Variants in COX10 observed in about 807,000 individuals in gnomAD.
The protein encoded by COX10 is cytochrome c oxidase assembly factor heme A:farnesyltransferase COX10, also known as protoheme IX farnesyltransferase, mitochondrial.
A neutral mutation model predicts 37.3 loss-of-function variants in COX10; 27 were observed. The observed-to-expected ratio is 0.72, with a 90% CI of 0.53 to 1.00. The LOEUF is 1.00. Ranked by LOEUF, COX10 falls within the 50% of genes least tolerant of loss-of-function variation. The pLI is 0.00. For missense variants in COX10, 475 were observed against 563.2 expected (o/e 0.84, Z 1.59); for synonymous variants, 222 against 229.1 (o/e 0.97, Z 0.28).
chr17:14,117,663 C>T (rs1916143628), intron 4 of COX10, among the ~76,000 whole-genome samples: 3 of 151,888 alleles, frequency 2.0e-5, no homozygotes, highest in Non-Finnish European at 1.5e-5. Context: ...TTTTTGGGCT[C>T]TGACCCAAAA....
chr17:14,203,477 C>A (rs1303098124), intron 6 of COX10, among the ~76,000 whole-genome samples: 3 of 152,194 alleles, frequency 2.0e-5, no homozygotes, highest in Non-Finnish European at 4.4e-5. Context: ...TAAGCTACAA[C>A]TGCCCCGTCT....
intron 4 of COX10, among the ~76,000 whole-genome samples, chr17:14,117,823 CCACGTTCTT>C (rs1489517018): frequency 6.6e-6 from 1 of 152,122 alleles, no homozygotes; most frequent in Non-Finnish European, 1.5e-5. Flanking sequence ...TTTCTGTATC[CCACGTTCTT>C]GCCCTAGTAT....
In COX10 at chr17:14,207,305, T is replaced by A. The variant is rs1270998460; in HGVS notation, c.*92T>A. On this transcript the variant is annotated 3_prime_UTR_variant, in exon 7 of 7. Coordinates refer to ENST00000261643, the MANE Select transcript of COX10 (RefSeq NM_001303.4). ...ACACAAGAAGAGAAATTGCTGGGTT[T>A]AGAACAAGATTATAAACGAATTCGG... is the stretch of plus-strand genomic sequence containing the variant. 1 of 1,422,970 alleles carries A rather than the reference T, an allele frequency of 7.0e-7. No individual in the cohort carries two copies. Among genetic ancestry groups the A allele is most frequent in the Non-Finnish European group, 9.2e-7 (1 of 1,088,736 alleles). The allele number at this position is 1,422,970 out of a possible 1,614,324, so 88.1% of individuals were successfully genotyped here.
At chr17:14,156,476 C>T (rs556767594) in intron 4 of COX10, among the ~76,000 whole-genome samples, 1 of 152,200 alleles carries the variant, frequency 6.6e-6, no homozygotes, top group Non-Finnish European at 1.5e-5. Flanking sequence ...GATCCGCCCC[C>T]CTTGGCCTCC....
intron 4 of COX10, among the ~76,000 whole-genome samples, chr17:14,137,392 GT>G (rs1190574377): frequency 6.6e-6 from 1 of 151,712 alleles, no homozygotes; most frequent in Non-Finnish European, 1.5e-5. Context: ...GACATGGAAA[GT>G]TTTTGAGTCT....
chr17:14,167,845 G>T (rs1424738979), intron 5 of COX10, among the ~76,000 whole-genome samples: 1 of 152,152 alleles, frequency 6.6e-6, no homozygotes. Flanking sequence ...AATTTGAGAT[G>T]GGATTTGGTG....
At chr17:14,114,445 T>C (rs1393230987) in intron 4 of COX10, among the ~76,000 whole-genome samples, 3 of 152,140 alleles carry the variant, frequency 2.0e-5, no homozygotes, top group Non-Finnish European at 2.9e-5. Context: ...TAATTGAACA[T>C]AGAATTCGTA....
intron 3 of COX10, among the ~76,000 whole-genome samples, chr17:14,089,255 A>T (rs1299746151): frequency 6.6e-6 from 1 of 152,144 alleles, no homozygotes; most frequent in Non-Finnish European, 1.5e-5. Flanking sequence ...ACCACTCTTT[A>T]GTCTGCTCTG....
At chr17:14,178,529 G>A (rs1597538555) in intron 5 of COX10, among the ~76,000 whole-genome samples, 1 of 145,796 alleles carries the variant, frequency 6.9e-6, no homozygotes, top group East Asian at 2.0e-4. Flanking sequence ...TTCTGTCTTA[G>A]ACAAAAATCT....
chr17:14,117,361 A>G (rs2142210276), intron 4 of COX10, among the ~76,000 whole-genome samples: 1 of 152,320 alleles, frequency 6.6e-6, no homozygotes, highest in African/African-American at 2.4e-5. Context: ...ATTTTAAAAA[A>G]ATGTGTGAGG....
chr17:14,100,910 T>TG (rs1359326836), intron 3 of COX10, among the ~76,000 whole-genome samples: 1 of 152,088 alleles, frequency 6.6e-6, no homozygotes, highest in Non-Finnish European at 1.5e-5. Context: ...TATTTGTTGT[T>TG]GGGGGGTGTC....
chr17:14,146,355 G>T (rs183202578), intron 4 of COX10, among the ~76,000 whole-genome samples: 1 of 152,068 alleles, frequency 6.6e-6, no homozygotes, highest in Admixed American at 6.6e-5. Context: ...CACCTACAAT[G>T]AACTTATTTT....
At chr17:14,097,940 G>A (rs9903753) in intron 3 of COX10, among the ~76,000 whole-genome samples, 19,458 of 151,788 alleles carry the variant, frequency 0.13, 1,383 homozygotes, top group South Asian at 0.17. Flanking sequence ...AATAATTGTC[G>A]TACTGTATTG....
intron 4 of COX10, among the ~76,000 whole-genome samples, chr17:14,147,502 A>G (rs1391669055): frequency 1.3e-5 from 2 of 152,126 alleles, no homozygotes; most frequent in Admixed American, 6.6e-5. Context: ...AGAGGCTGGG[A>G]AGGGTAGTGG....
At chr17:14,176,780 G>A (rs1214702756) in intron 5 of COX10, among the ~76,000 whole-genome samples, 2 of 151,736 alleles carry the variant, frequency 1.3e-5, no homozygotes, top group African/African-American at 2.4e-5. Flanking sequence ...AGCTTTGAGT[G>A]CCAGTCTTGG....
intron 4 of COX10, among the ~76,000 whole-genome samples, chr17:14,134,239 A>G (rs1009977012): frequency 1.3e-5 from 2 of 151,792 alleles, no homozygotes; most frequent in African/African-American, 2.4e-5. Flanking sequence ...GGTTTTATCT[A>G]CTTGTACTCA....
chr17:14,088,786 A>G (rs988990590), intron 3 of COX10, among the ~76,000 whole-genome samples: 13 of 152,202 alleles, frequency 8.5e-5, no homozygotes, highest in Non-Finnish European at 1.9e-4. Context: ...GATGTTGCCA[A>G]CATACCTGGT....
At chr17:14,193,910 G>A (rs1236453843) in intron 6 of COX10, among the ~76,000 whole-genome samples, 1 of 151,694 alleles carries the variant, frequency 6.6e-6, no homozygotes. Flanking sequence ...TGTGCATGGG[G>A]AGTATCCCCC....
chr17:14,089,401 T>A (rs1254794747), intron 3 of COX10, among the ~76,000 whole-genome samples: 1 of 152,228 alleles, frequency 6.6e-6, no homozygotes, highest in Non-Finnish European at 1.5e-5. Flanking sequence ...GTCATCTTGA[T>A]AATCAAATAC....
Sources: allele counts gnomAD v4.1 joint callset (sites outside exome capture counted in the v4.1 genomes callset), GRCh38; gene constraint gnomAD v4.1.1; transcripts MANE v1.5; gene names NCBI Gene and HGNC (gene_info 2026-07-23, HGNC 2026-07-21).